SH3BGRL2: variants seen among roughly 807,000 people sequenced by gnomAD.
SH3BGRL2 encodes the protein SH3 domain binding glutamate rich protein like 2.
A neutral mutation model predicts 14.8 loss-of-function variants in SH3BGRL2; 21 were observed. That is an observed-to-expected ratio of 1.42 (90% CI 1.01 to 2.05). The LOEUF is 2.05. Among genes scored for constraint, SH3BGRL2 ranks in the 30% most tolerant of loss-of-function variants. The pLI is 0.00. For synonymous variants in SH3BGRL2, 50 were observed against 47.8 expected (o/e 1.05, Z -0.19); for missense variants, 147 against 130.8 (o/e 1.12, Z -0.61).
intron 1 of SH3BGRL2, among the ~76,000 whole-genome samples, chr6:79,660,987 A>T (rs1769534617): frequency 1.3e-5 from 2 of 151,734 alleles, no homozygotes; most frequent in Admixed American, 1.3e-4. Flanking sequence ...GTGGTAATAT[A>T]CCCTTTATCT....
chr6:79,683,163 G>T (rs577014039), intron 2 of SH3BGRL2, among the ~76,000 whole-genome samples: 1 of 151,924 alleles, frequency 6.6e-6, no homozygotes, highest in South Asian at 2.1e-4. Context: ...AAACCTGCAC[G>T]TTGTGCACAT....
At chr6:79,590,424 G>GATTGATATATAT in the SH3BGRL2 span, among the ~76,000 whole-genome samples, 192 of 66,678 alleles carry the variant, frequency 2.9e-3, 5 homozygotes, top group African/African-American at 0.013. Context: ...AAGAAAATGT[G>GATTGATATATAT]ATATATATAT....
rs2127728201 is a variant in SH3BGRL2 at position 79,657,460 on chromosome 6, C to T, written c.46-16154C>T. 2.0e-5 allele frequency among the ~76,000 whole-genome samples: 3 copies of T among 152,212 alleles called. No individual in the cohort carries two copies. The Middle Eastern group carries it at 0.01, about 518-fold the overall frequency. ...CCAGAAGAGGATGTGGCTCTTGTAG[C>T]TGGTGGTGGAGGAGTTGTAGGGAGA... is the stretch of plus-strand genomic sequence containing the variant. On this transcript the variant is annotated intron_variant, in intron 1 of 3. Coordinates refer to ENST00000369838, the MANE Select transcript of SH3BGRL2 (RefSeq NM_031469.4).
chr6:79,552,691 A>G, the SH3BGRL2 span: 1 of 152,134 alleles, frequency 6.6e-6, no homozygotes, highest in Admixed American at 6.5e-5. Context: ...TTTTTAGTTT[A>G]CAGATCCCAA....
intron 1 of SH3BGRL2, among the ~76,000 whole-genome samples, chr6:79,664,284 A>G (rs1769613344): frequency 6.6e-6 from 1 of 152,100 alleles, no homozygotes; most frequent in South Asian, 2.1e-4. Flanking sequence ...AGCTGTTCCT[A>G]TTCACCCACC....
chr6:79,658,076 A>G (rs1235409232), intron 1 of SH3BGRL2, among the ~76,000 whole-genome samples: 1 of 152,210 alleles, frequency 6.6e-6, no homozygotes, highest in Non-Finnish European at 1.5e-5. Context: ...AAACTGAAGA[A>G]CAGTAGACTG....
chr6:79,702,522 G>T lies in SH3BGRL2; in HGVS notation c.*3013G>T, dbSNP rs1770482049. ...CCAGAAAACACATATTCTGAAAATG[G>T]AGTGTTTGTTCCCTGCCATTTTTCA... On this transcript the variant is annotated 3_prime_UTR_variant, in exon 4 of 4. Transcript: ENST00000369838. 1 of 152,240 alleles carries T rather than the reference G, an allele frequency of 6.6e-6. No homozygotes were observed. Among genetic ancestry groups the T allele is most frequent in the Non-Finnish European group, 1.5e-5 (1 of 68,034 alleles). The allele number at this position is 152,240 out of a possible 1,614,324, so 9.4% of individuals were successfully genotyped here.
the SH3BGRL2 span, among the ~76,000 whole-genome samples, chr6:79,538,709 G>A: frequency 1.3e-5 from 2 of 152,186 alleles, no homozygotes; most frequent in African/African-American, 4.8e-5. Context: ...GTATTTACGT[G>A]GACAAATGTC....
chr6:79,658,735 T>A (rs1232391867), intron 1 of SH3BGRL2, among the ~76,000 whole-genome samples: 1 of 152,250 alleles, frequency 6.6e-6, no homozygotes, highest in Non-Finnish European at 1.5e-5. Context: ...TCTACAATAG[T>A]TGAAATAATT....
At chr6:79,614,002 G>A in the SH3BGRL2 span, among the ~76,000 whole-genome samples, 2 of 152,068 alleles carry the variant, frequency 1.3e-5, no homozygotes, top group Non-Finnish European at 2.9e-5. Context: ...TGTGCAGCAG[G>A]GGCGGCTTTG....
chr6:79,673,740 A>G lies in SH3BGRL2; in HGVS notation c.172A>G (p.Lys58Glu), dbSNP rs753696965. The G allele has an allele frequency of 1.9e-6, 3 of 1,614,162 alleles. No individual in the cohort carries two copies. Among genetic ancestry groups the G allele is most frequent in the Non-Finnish European group, 1.7e-6 (2 of 1,180,028 alleles). ...GTACAAAAACGTCCCCCCGGAAAAG[A>G]AACCCACTCAGGGCAACCCCCTGCC... ...WMYKNVPPEK[K>E]PTQGNPLPPQ... The change falls in exon 2 of 4, where the codon AAA becomes GAA. Residue 58 changes from lysine to glutamate, a missense_variant. Physicochemically the swap from Lys to Glu is moderately conservative, Grantham distance 56. Transcript: ENST00000369838.
chr6:79,635,913 G>A (rs1274985433), intron 1 of SH3BGRL2, among the ~76,000 whole-genome samples: 3 of 152,154 alleles, frequency 2.0e-5, no homozygotes, highest in South Asian at 2.1e-4. Flanking sequence ...TTACATCCCC[G>A]TGAATGTATT....
At chr6:79,571,223 C>T in the SH3BGRL2 span, among the ~76,000 whole-genome samples, 4 of 152,302 alleles carry the variant, frequency 2.6e-5, no homozygotes, top group African/African-American at 9.6e-5. Context: ...TGTCCCTAAC[C>T]TTAGCACATT....
At chr6:79,599,110 A>C in the SH3BGRL2 span, among the ~76,000 whole-genome samples, 2 of 151,496 alleles carry the variant, frequency 1.3e-5, no homozygotes, top group Admixed American at 1.3e-4. Flanking sequence ...GCTCAACCTC[A>C]TTCAATACCA....
At chr6:79,540,911 T>C in the SH3BGRL2 span, among the ~76,000 whole-genome samples, 1 of 152,148 alleles carries the variant, frequency 6.6e-6, no homozygotes, top group African/African-American at 2.4e-5. Context: ...GACTGAAAGT[T>C]ATTTTTGGAG....
chr6:79,652,116 T>C (rs1769308986), intron 1 of SH3BGRL2, among the ~76,000 whole-genome samples: 1 of 152,076 alleles, frequency 6.6e-6, no homozygotes, highest in Non-Finnish European at 1.5e-5. Flanking sequence ...CAGTGTGGAT[T>C]TGAGGCTGAG....
At chr6:79,572,672 A>G in the SH3BGRL2 span, among the ~76,000 whole-genome samples, 14 of 152,072 alleles carry the variant, frequency 9.2e-5, no homozygotes, top group East Asian at 3.9e-4. Flanking sequence ...TCACTGTGTT[A>G]GCCAGGATGG....
At chr6:79,642,111 T>C (rs562740846) in intron 1 of SH3BGRL2, among the ~76,000 whole-genome samples, 1 of 152,292 alleles carries the variant, frequency 6.6e-6, no homozygotes, top group South Asian at 2.1e-4. Flanking sequence ...CAGCCCTTGG[T>C]ATCTGTGGGT....
At chr6:79,549,409 G>A in the SH3BGRL2 span, among the ~76,000 whole-genome samples, 3 of 152,136 alleles carry the variant, frequency 2.0e-5, no homozygotes, top group Admixed American at 1.3e-4. Flanking sequence ...TTGGTCAATG[G>A]ACCACATACT....
Sources: gnomAD v4.1 joint callset for allele counts (sites outside exome capture counted in the v4.1 genomes callset) on GRCh38, gnomAD v4.1.1 for gene constraint, MANE v1.5 for transcripts, NCBI Gene and HGNC (gene_info 2026-07-23, HGNC 2026-07-21) for gene names.